XYLT1: variants seen among roughly 807,000 people sequenced by gnomAD.
XYLT1 encodes xylosyltransferase 1.
A neutral mutation model predicts 91.3 loss-of-function variants in XYLT1; 36 were observed. The observed-to-expected ratio is 0.39, with a 90% CI of 0.30 to 0.52. XYLT1 has a LOEUF of 0.52. Among genes scored for constraint, XYLT1 ranks in the 20% least tolerant of loss-of-function variants. The pLI is 0.68. For missense variants in XYLT1, 1,242 were observed against 1,284.5 expected (o/e 0.97, Z 0.51); for synonymous variants, 588 against 532.0 (o/e 1.11, Z -1.45).
At chr16:17,305,962 C>T (rs963178143) in intron 2 of XYLT1, among the ~76,000 whole-genome samples, 1 of 152,116 alleles carries the variant, frequency 6.6e-6, no homozygotes, top group Non-Finnish European at 1.5e-5. Flanking sequence ...TGGCTAAGGA[C>T]AGGAAGGGAC....
In XYLT1 at chr16:17,250,740, C is replaced by T. The variant is rs981716397; in HGVS notation, c.913+8248G>A. ...CTGGATACCTCTTCCTTCCTGGGCT[C>T]CTCAGAAGGAGATGCCAAAGGGCCC... On this transcript the variant is annotated intron_variant, in intron 3 of 11. Transcript: ENST00000261381. The T allele has an allele frequency of 3.3e-5, 5 of 152,372 alleles. No homozygotes were observed. In the East Asian group the frequency reaches 9.7e-4, roughly 29 times the overall value. The allele number at this position is 152,372 out of a possible 1,614,324, so 9.4% of individuals were successfully genotyped here. A position where few individuals can be genotyped will look rare whatever the true frequency, so the allele number is the denominator to read the frequency against.
chr16:17,410,428 C>T (rs546767749), intron 1 of XYLT1, among the ~76,000 whole-genome samples: 1 of 152,244 alleles, frequency 6.6e-6, no homozygotes, highest in South Asian at 2.1e-4. Context: ...TGGCAGCAGA[C>T]AAGGGAAGAG....
At chr16:17,118,698 A>G (rs1183788849) in intron 10 of XYLT1, among the ~76,000 whole-genome samples, 1 of 152,016 alleles carries the variant, frequency 6.6e-6, no homozygotes, top group Non-Finnish European at 1.5e-5. Flanking sequence ...AATTTCTTCT[A>G]TATCCTGTAG....
At chr16:17,446,778 G>A (rs2036597045) in intron 1 of XYLT1, among the ~76,000 whole-genome samples, 1 of 152,130 alleles carries the variant, frequency 6.6e-6, no homozygotes, top group Admixed American at 6.5e-5. Context: ...ACTCAGCCTG[G>A]AGACTCAACC....
intron 2 of XYLT1, among the ~76,000 whole-genome samples, chr16:17,354,124 G>T (rs2035260400): frequency 6.6e-6 from 1 of 151,918 alleles, no homozygotes; most frequent in Non-Finnish European, 1.5e-5. Flanking sequence ...TCATTTCTAG[G>T]TCACCTGATT....
intron 2 of XYLT1, among the ~76,000 whole-genome samples, chr16:17,351,096 G>A (rs1335401922): frequency 2.0e-5 from 3 of 152,092 alleles, no homozygotes; most frequent in Admixed American, 2.0e-4. Flanking sequence ...TCCTGATGAG[G>A]TTTCTTCTCC....
intron 3 of XYLT1, among the ~76,000 whole-genome samples, chr16:17,203,639 C>T (rs1166263750): frequency 6.6e-6 from 1 of 152,154 alleles, no homozygotes; most frequent in Non-Finnish European, 1.5e-5. Flanking sequence ...CATCCAAGTC[C>T]AACCATTCAT....
intron 3 of XYLT1, among the ~76,000 whole-genome samples, chr16:17,248,819 C>A (rs2033488052): frequency 6.7e-6 from 1 of 148,376 alleles, no homozygotes; most frequent in African/African-American, 2.5e-5. Flanking sequence ...GCAATCTCAG[C>A]TCACTGCAAC....
intron 7 of XYLT1, 90 bp from the exon 8 acceptor site, chr16:17,138,621 T>C: frequency 2.0e-6 from 3 of 1,480,730 alleles, no homozygotes; most frequent in Non-Finnish European, 2.8e-6. Context: ...TGCTCTGAGT[T>C]CATGTAAGAA....
At chr16:17,142,600 A>ATT (rs71137976) in intron 6 of XYLT1, among the ~76,000 whole-genome samples, 8,715 of 139,580 alleles carry the variant, frequency 0.062, 358 homozygotes, top group East Asian at 0.18. Flanking sequence ...CACCCAGCTA[A>ATT]TTTTTTTTTT....
At chr16:17,273,638 G>A (rs968834866) in intron 2 of XYLT1, among the ~76,000 whole-genome samples, 3 of 150,834 alleles carry the variant, frequency 2.0e-5, no homozygotes, top group African/African-American at 7.4e-5. Flanking sequence ...GAGTTCAGGA[G>A]TTCGAGGCCA....
intron 1 of XYLT1, among the ~76,000 whole-genome samples, chr16:17,453,050 C>A (rs1467936374): frequency 3.3e-5 from 5 of 152,208 alleles, no homozygotes; most frequent in African/African-American, 1.2e-4. Flanking sequence ...ACTCTGGAAT[C>A]ATAACCACAA....
At chr16:17,338,455 G>A (rs568553718) in intron 2 of XYLT1, 2 of 456,382 alleles carry the variant, frequency 4.4e-6, no homozygotes, top group African/African-American at 2.0e-5. Flanking sequence ...TGAAACCTAC[G>A]CTTTGCCGGG....
chr16:17,198,141 T>A, intron 5 of XYLT1, 71 bp downstream of exon 5: 1 of 1,542,898 alleles, frequency 6.5e-7, no homozygotes, highest in African/African-American at 1.4e-5. Context: ...TTCTGCCTCG[T>A]GAGTTCCCAG....
intron 10 of XYLT1, among the ~76,000 whole-genome samples, chr16:17,125,350 T>G (rs887333998): frequency 3.3e-5 from 5 of 152,194 alleles, no homozygotes; most frequent in African/African-American, 1.2e-4. Context: ...TTGCCTCCTA[T>G]CCGCCATTTT....
In XYLT1 at chr16:17,470,666, T is replaced by A; in HGVS notation, c.131A>T (p.Glu44Val). The A allele has an allele frequency of 8.8e-7, 1 of 1,135,582 alleles. No individual in the cohort carries two copies. The highest frequency in any genetic ancestry group is 1.1e-6 in the Non-Finnish European group (1 of 911,314). 70.3% of individuals were successfully genotyped at this position (1,135,582 alleles called of 1,614,324 possible). ...NFSSLDSGAG[E>V]RRGGAAVGGG... ...GCCGACCGCTGCGCCCCCGCGGCGC[T>A]CCCCGGCCCCGGAGTCGAGGCTGCT... Residue 44 changes from glutamate to valine, a missense_variant, in exon 1 of 12, where the codon GAG becomes GTG. By Grantham distance (121) the Glu-to-Val change is moderately radical. Around this residue, in one of 3 missense-constraint regions of XYLT1, gnomAD observed 437 missense variants for 411.5 expected, o/e 1.06. Coordinates refer to ENST00000261381, the MANE Select transcript of XYLT1 (RefSeq NM_022166.4).
chr16:17,200,633 T>C lies in XYLT1; in HGVS notation c.935A>G (p.Gln312Arg). 6.2e-7 allele frequency: 1 copy of C among 1,613,692 alleles called. No homozygotes were observed. Residue 312 changes from glutamine (Q) to arginine (R), a missense_variant, in exon 4 of 12, where the codon CAG becomes CGG. Physicochemically the swap from Gln to Arg is conservative, Grantham distance 43. Around this residue, in one of 3 missense-constraint regions of XYLT1, gnomAD observed 437 missense variants for 411.5 expected, o/e 1.06. Transcript: ENST00000261381. Reference protein sequence around the residue: ...PLEGKANKNVQWDEDSVEYMP... With the variant: ...PLEGKANKNVRWDEDSVEYMP... ...GTACTCCACGGAGTCCTCGTCCCAC[T>C]GCACGTTCTTGTTGGCTTTACCTGG...
intron 3 of XYLT1, among the ~76,000 whole-genome samples, chr16:17,232,039 A>G (rs1409809395): frequency 6.7e-6 from 1 of 149,390 alleles, no homozygotes. Context: ...TCAACGATGG[A>G]CTGCACATAC....
chr16:17,117,504 G>C (rs780527384), intron 11 of XYLT1, 142 bp downstream of exon 11: 1 of 861,238 alleles, frequency 1.2e-6, no homozygotes, highest in East Asian at 2.7e-5. Context: ...GAAACACAGA[G>C]AAAAGTATTG....
Sources: gnomAD v4.1 joint callset for allele counts (sites outside exome capture counted in the v4.1 genomes callset) on GRCh38, gnomAD v4.1.1 for gene constraint, gnomAD v4.1.1 regional missense constraint, MANE v1.5 for transcripts, NCBI Gene and HGNC (gene_info 2026-07-23, HGNC 2026-07-21) for gene names.